ADGB: variants seen among roughly 807,000 people sequenced by gnomAD.
ADGB encodes the protein androglobin.
In ADGB, 172 loss-of-function variants were observed where a neutral mutation model predicts 210.5. The ratio of observed to expected loss-of-function variants is 0.82; its 90% CI spans 0.72 to 0.93. The LOEUF (loss-of-function observed/expected upper bound fraction) is 0.93, where lower values mean the gene tolerates loss of function less well. Ranked by LOEUF, ADGB falls within the 40% of genes least tolerant of loss-of-function variation. ADGB has a pLI of 0.00. For synonymous variants in ADGB, 658 were observed against 662.7 expected, an observed-to-expected ratio of 0.99 and a Z score of 0.11; for missense variants, 2,025 against 1,964.8, an observed-to-expected ratio of 1.03 and a Z score of -0.58.
intron 35 of ADGB, among the ~76,000 whole-genome samples, chr6:146,804,221 C>T (rs1390759942): frequency 6.6e-6 from 1 of 151,938 alleles, no homozygotes; most frequent in East Asian, 1.9e-4. Flanking sequence ...TGGATAACTT[C>T]CCACTACGGA....
chr6:146,787,165 C>A (rs2114649586), intron 32 of ADGB, among the ~76,000 whole-genome samples: 1 of 152,262 alleles, frequency 6.6e-6, no homozygotes, highest in Admixed American at 6.5e-5. Flanking sequence ...GGCTCAGAGA[C>A]CCTGACCCTG....
intron 26 of ADGB, 34 bp downstream of exon 26, chr6:146,746,143 T>C: frequency 7.2e-7 from 1 of 1,385,534 alleles, no homozygotes; most frequent in South Asian, 1.4e-5. Flanking sequence ...AAAGGCATTT[T>C]TTAAAAAATA....
chr6:146,751,683 GA>G, intron 26 of ADGB, among the ~76,000 whole-genome samples: 2 of 152,220 alleles, frequency 1.3e-5, no homozygotes, highest in Admixed American at 1.3e-4. Flanking sequence ...ACTGGCATGA[GA>G]TGGTATCTCA....
At chr6:146,750,995 G>A (rs1460959703) in intron 26 of ADGB, among the ~76,000 whole-genome samples, 1 of 152,102 alleles carries the variant, frequency 6.6e-6, no homozygotes, top group Non-Finnish European at 1.5e-5. Flanking sequence ...TTAAGTTCTG[G>A]TGTACCTGTG....
intron 3 of ADGB, among the ~76,000 whole-genome samples, chr6:146,653,704 A>G (rs1008992018): frequency 3.9e-5 from 6 of 152,180 alleles, no homozygotes; most frequent in African/African-American, 7.2e-5. Flanking sequence ...AAGTTTACCT[A>G]TGTAACAAAC....
intron 28 of ADGB, among the ~76,000 whole-genome samples, chr6:146,765,494 C>T (rs1777559133): frequency 6.6e-6 from 1 of 151,480 alleles, no homozygotes; most frequent in Admixed American, 6.6e-5. Flanking sequence ...CAATAAAATC[C>T]AAACTATCCC....
At chr6:146,729,734 C>A (rs545510793) in intron 20 of ADGB, among the ~76,000 whole-genome samples, 2 of 152,140 alleles carry the variant, frequency 1.3e-5, no homozygotes, top group Non-Finnish European at 2.9e-5. Flanking sequence ...ATCAGCATTG[C>A]GCCTGGCCAA....
intron 15 of ADGB, 37 bp downstream of exon 15, chr6:146,717,106 A>G (rs931596109): frequency 6.6e-7 from 1 of 1,504,182 alleles, no homozygotes; most frequent in Non-Finnish European, 9.0e-7. Context: ...ACTATGTCGT[A>G]GTGGTTAAAC....
At position 146,656,689 on chromosome 6, in the gene ADGB, AT is replaced by A. The variant is rs930397114; in HGVS notation, c.403-75del. The stretch of plus-strand genomic sequence containing the variant: ...AATTTAATATTATTCTTGGAAGTGG[AT>A]TTTTTTACTGTTTTTATCCCTAAAT... On this transcript the variant is annotated intron_variant, in intron 4 of 35. Coordinates refer to ENST00000397944, the MANE Select transcript of ADGB (RefSeq NM_024694.4). The A allele has an allele frequency of 1.5e-5, 14 of 950,102 alleles. No homozygotes were observed. In the African/African-American group the frequency reaches 2.3e-4, roughly 16 times the overall value. 58.9% of individuals were successfully genotyped at this position (950,102 alleles called of 1,614,324 possible).
chr6:146,692,062 G>A (rs944501663), intron 11 of ADGB, among the ~76,000 whole-genome samples: 7 of 152,048 alleles, frequency 4.6e-5, no homozygotes, highest in African/African-American at 1.7e-4. Context: ...AATTTGCAGA[G>A]CTTCTTAAAA....
chr6:146,650,597 CAAAAAAAAAAAAAAAAAA>C (rs57913607), intron 3 of ADGB, among the ~76,000 whole-genome samples: 22 of 36,562 alleles, frequency 6.0e-4, no homozygotes, highest in South Asian at 3.0e-3. Flanking sequence ...TCCCTCCCAC[CAAAAAAAAAAAAAAAAAA>C]AAAAAAAAAA....
At chr6:146,629,109 C>A (rs950908911) in intron 1 of ADGB, among the ~76,000 whole-genome samples, 4 of 152,146 alleles carry the variant, frequency 2.6e-5, no homozygotes, top group Non-Finnish European at 5.9e-5. Flanking sequence ...GGCCCTTCCA[C>A]ATACAGTGAG....
At chr6:146,638,761 A>G (rs1775465495) in intron 2 of ADGB, 1 of 152,006 alleles carries the variant, frequency 6.6e-6, no homozygotes, top group Non-Finnish European at 1.5e-5. Flanking sequence ...TAATAAAAAA[A>G]AAACTGTTCT....
At chr6:146,689,268 T>C (rs543521674) in intron 10 of ADGB, among the ~76,000 whole-genome samples, 1 of 152,180 alleles carries the variant, frequency 6.6e-6, no homozygotes, top group African/African-American at 2.4e-5. Context: ...CATCCCCTAA[T>C]TGTAATCCAA....
In ADGB at chr6:146,752,896, T is replaced by A. The variant is rs527915773; in HGVS notation, c.3550+182T>A. 2.6e-5 allele frequency among the ~76,000 whole-genome samples: 4 copies of A among 152,216 alleles called. No individual in the cohort carries two copies. The South Asian group carries it at 8.3e-4, about 32-fold the overall frequency. ...ATTAGGCTCCGAAAATCATTATAGG[T>A]TTATTTTAAAGCCTTTTCATCTTGG... is the stretch of plus-strand genomic sequence containing the variant. On this transcript the variant is annotated intron_variant, in intron 27 of 35. Coordinates refer to ENST00000397944, the MANE Select transcript of ADGB (RefSeq NM_024694.4).
intron 25 of ADGB, among the ~76,000 whole-genome samples, chr6:146,743,766 T>C (rs1472394733): frequency 6.6e-6 from 1 of 152,016 alleles, no homozygotes; most frequent in African/African-American, 2.4e-5. Flanking sequence ...ATACAAAAAT[T>C]AGCCAGGCGT....
intron 33 of ADGB, 87 bp from the exon 34 acceptor site, chr6:146,801,096 C>A (rs1182450917): frequency 1.8e-6 from 1 of 569,956 alleles, no homozygotes; most frequent in Middle Eastern, 3.1e-4. Flanking sequence ...TGAAAAACAA[C>A]CAATTAAAAT....
chr6:146,700,078 C>T (rs1397766777), intron 12 of ADGB, among the ~76,000 whole-genome samples: 1 of 152,184 alleles, frequency 6.6e-6, no homozygotes, highest in African/African-American at 2.4e-5. Flanking sequence ...GCATTTCATC[C>T]TACGTGATAG....
intron 33 of ADGB, among the ~76,000 whole-genome samples, chr6:146,792,766 TA>T (rs567368294): frequency 2.3e-3 from 344 of 152,298 alleles, no homozygotes; most frequent in African/African-American, 7.9e-3. Flanking sequence ...AAGGAGGACC[TA>T]GACCAAGCAG....
Sources: gnomAD v4.1 joint callset for allele counts (sites outside exome capture counted in the v4.1 genomes callset) on GRCh38, gnomAD v4.1.1 for gene constraint, MANE v1.5 for transcripts, NCBI Gene and HGNC (gene_info 2026-07-23, HGNC 2026-07-21) for gene names.